PLEKHA5: variants seen among roughly 807,000 people sequenced by gnomAD.
PLEKHA5 encodes pleckstrin homology domain containing A5, also known as pleckstrin homology domain-containing family A member 5.
A neutral mutation model predicts 181.9 loss-of-function variants in PLEKHA5; 55 were observed. The observed-to-expected ratio is 0.30, with a 90% CI of 0.24 to 0.38. The LOEUF is 0.38. PLEKHA5 is among the 10% of genes least tolerant of loss of function. The pLI is 1.00. For synonymous variants in PLEKHA5, 535 were observed against 529.4 expected, an observed-to-expected ratio of 1.01 and a Z score of -0.15; for missense variants, 1,432 against 1,549.5, an observed-to-expected ratio of 0.92 and a Z score of 1.27.
chr12:19,336,020 A>T lies in PLEKHA5; in HGVS notation c.2449-495A>T, dbSNP rs535553411. 5.3e-5 allele frequency among the ~76,000 whole-genome samples: 8 copies of T among 152,294 alleles called. No individual in the cohort carries two copies. The South Asian group carries it at 1.5e-3, about 28-fold the overall frequency. ...ACCAAACATCAAAATCTTCTCTGTG[A>T]TATTATTGGTTTGGGGGTGATTTTT... On this transcript the variant is annotated intron_variant, in intron 20 of 31. Transcript: ENST00000429027.
intron 3 of PLEKHA5, among the ~76,000 whole-genome samples, chr12:19,191,661 C>T (rs1423143650): frequency 1.3e-5 from 2 of 152,178 alleles, no homozygotes; most frequent in Non-Finnish European, 1.5e-5. Context: ...ATTCCCTGTT[C>T]CTGTGAGTCA....
At chr12:19,303,190 T>C (rs548969661) in intron 15 of PLEKHA5, among the ~76,000 whole-genome samples, 176 of 141,274 alleles carry the variant, frequency 1.2e-3, no homozygotes, top group African/African-American at 4.4e-3. Flanking sequence ...CCAGAGTGAG[T>C]CACCGCATCC....
chr12:19,200,349 TC>T, intron 3 of PLEKHA5: 3 of 1,530,372 alleles, frequency 2.0e-6, no homozygotes, highest in Non-Finnish European at 2.6e-6. Flanking sequence ...TTTTCATTCT[TC>T]CTGGGAATAG....
chr12:19,193,462 C>T lies in PLEKHA5; in HGVS notation c.228-60478C>T, dbSNP rs1263848063. On this transcript the variant is annotated intron_variant, in intron 3 of 31. Transcript: ENST00000429027. ...TGGAAAGTTAGATATGAATTTTATACTTGGACGTTTATTCTGATTTAGAGT... is the reference window on the plus strand; with the variant it reads ...TGGAAAGTTAGATATGAATTTTATATTTGGACGTTTATTCTGATTTAGAGT... Among the ~76,000 whole-genome samples the T allele has an allele frequency of 2.0e-5, 3 of 152,182 alleles. No homozygotes were observed. In the East Asian group the frequency reaches 5.8e-4, roughly 29 times the overall value.
chr12:19,305,905 G>T (rs1465409602), intron 15 of PLEKHA5, among the ~76,000 whole-genome samples: 10 of 147,138 alleles, frequency 6.8e-5, no homozygotes, highest in African/African-American at 2.3e-4. Flanking sequence ...GACTGGGCGC[G>T]GTGGCTCTAC....
At chr12:19,349,417 G>A (rs181661658) in intron 25 of PLEKHA5, among the ~76,000 whole-genome samples, 22 of 152,196 alleles carry the variant, frequency 1.4e-4, no homozygotes, top group Admixed American at 7.2e-4. Context: ...CACCTGGACA[G>A]GGTCTTTTCT....
At chr12:19,220,005 A>C (rs1189452584) in intron 3 of PLEKHA5, among the ~76,000 whole-genome samples, 1 of 152,192 alleles carries the variant, frequency 6.6e-6, no homozygotes, top group Non-Finnish European at 1.5e-5. Flanking sequence ...AACAAATACA[A>C]TGTTATGTAA....
rs183880891 is a variant in PLEKHA5 at position 19,234,170 on chromosome 12, A to G, written c.228-19770A>G. 5.8e-4 allele frequency among the ~76,000 whole-genome samples: 88 copies of G among 152,288 alleles called. 2 individuals carry two copies. The South Asian group carries it at 0.011, about 19-fold the overall frequency. ...GATTTGCGCTTTTATAACTACTGCT[A>G]CCTCTAACTGAAATCGCCTCTTGAA... On this transcript the variant is annotated intron_variant, in intron 3 of 31. Transcript: ENST00000429027.
At chr12:19,353,036 C>T (rs1330314168) in intron 25 of PLEKHA5, among the ~76,000 whole-genome samples, 2 of 148,490 alleles carry the variant, frequency 1.3e-5, no homozygotes, top group African/African-American at 2.5e-5. Context: ...GATCATCCCG[C>T]CTCAGCCTCC....
chr12:19,168,339 T>C (rs2045042018), intron 3 of PLEKHA5, among the ~76,000 whole-genome samples: 1 of 152,202 alleles, frequency 6.6e-6, no homozygotes, highest in African/African-American at 2.4e-5. Flanking sequence ...GTTTTATGTA[T>C]AAATAGACTA....
chr12:19,288,996 C>T (rs1417146408), intron 13 of PLEKHA5, among the ~76,000 whole-genome samples: 3 of 152,158 alleles, frequency 2.0e-5, no homozygotes, highest in East Asian at 3.8e-4. Flanking sequence ...GTATTCCTTG[C>T]GGTATCACTC....
At chr12:19,365,781 G>A (rs2095407975) in intron 29 of PLEKHA5, among the ~76,000 whole-genome samples, 183 bp from the exon 30 acceptor site, 1 of 152,102 alleles carries the variant, frequency 6.6e-6, no homozygotes. Context: ...TTATTGAAAT[G>A]AATATACAGG....
intron 3 of PLEKHA5, among the ~76,000 whole-genome samples, chr12:19,219,639 A>G (rs1309109081): frequency 6.6e-6 from 1 of 151,908 alleles, no homozygotes; most frequent in Non-Finnish European, 1.5e-5. Context: ...ATAACATTTT[A>G]CATATGCCTT....
intron 15 of PLEKHA5, among the ~76,000 whole-genome samples, chr12:19,314,290 A>G (rs1280940070): frequency 1.3e-5 from 2 of 152,176 alleles, no homozygotes; most frequent in African/African-American, 2.4e-5. Context: ...AATCCAAAAT[A>G]GAGTCTCTAT....
At chr12:19,302,162 C>G (rs1478072260) in intron 15 of PLEKHA5, among the ~76,000 whole-genome samples, 3 of 152,110 alleles carry the variant, frequency 2.0e-5, no homozygotes, top group Non-Finnish European at 4.4e-5. Context: ...CTGAAAAAAT[C>G]TTTTCCGAAG....
At chr12:19,352,987 T>C (rs1455226995) in intron 25 of PLEKHA5, among the ~76,000 whole-genome samples, 3 of 149,278 alleles carry the variant, frequency 2.0e-5, no homozygotes, top group South Asian at 2.1e-4. Flanking sequence ...AGGGTCTCAC[T>C]ATATTACCCA....
At chr12:19,341,072 A>G (rs1200344319) in intron 21 of PLEKHA5, among the ~76,000 whole-genome samples, 1 of 152,202 alleles carries the variant, frequency 6.6e-6, no homozygotes, top group Non-Finnish European at 1.5e-5. Flanking sequence ...CAGGAGTTCA[A>G]GACCAGCCTG....
At chr12:19,189,712 A>G (rs1000684143) in intron 3 of PLEKHA5, among the ~76,000 whole-genome samples, 2 of 152,186 alleles carry the variant, frequency 1.3e-5, no homozygotes, top group Non-Finnish European at 2.9e-5. Context: ...CAACATATTC[A>G]TGCTATTCAG....
chr12:19,336,637 T>A (rs750899623), intron 21 of PLEKHA5, 21 bp downstream of exon 21: 1 of 1,330,164 alleles, frequency 7.5e-7, no homozygotes, highest in Non-Finnish European at 1.1e-6. Context: ...ATAATATTCT[T>A]TATATTGTTT....
Sources: allele counts gnomAD v4.1 joint callset (sites outside exome capture counted in the v4.1 genomes callset), GRCh38; gene constraint gnomAD v4.1.1; transcripts MANE v1.5; gene names NCBI Gene and HGNC (gene_info 2026-07-23, HGNC 2026-07-21).